Variants in TENT5D observed in about 807,000 individuals in gnomAD.
TENT5D encodes the protein terminal nucleotidyltransferase 5D, also known as cancer/testis antigen 112.
For missense variants in TENT5D, 191 were observed against 287.0 expected (o/e 0.67, Z 2.42); for synonymous variants, 103 against 100.6 (o/e 1.02, Z -0.15).
chrX:80,402,518 A>G (rs1931407139), intron 3 of TENT5D, among the ~76,000 whole-genome samples: 1 of 112,012 alleles, frequency 8.9e-6, no homozygotes, highest in Non-Finnish European at 1.9e-5. Context: ...TTTTGATATA[A>G]GTATTTATCG....
chrX:80,348,366 T>C (rs1930109444), intron 3 of TENT5D, among the ~76,000 whole-genome samples: 1 of 111,623 alleles, frequency 9.0e-6, no homozygotes, highest in Non-Finnish European at 1.9e-5. Context: ...ATAGTTCTCC[T>C]TGAAGAGGTC....
Position 80,336,260 on chromosome X carries a change from T to C in TENT5D, c.-207+544T>C, listed in dbSNP as rs945692940. On this transcript the variant is annotated intron_variant, in intron 2 of 4. Coordinates refer to the TENT5D transcript ENST00000538312. ...GGATAAGTTTCTTTTTATCTTTGTT[T>C]CTTTTTGAAAGAAAGATGGATCTAA... 5.4e-5 allele frequency among the ~76,000 whole-genome samples: 6 copies of C among 111,338 alleles called. No homozygotes were observed. In the Admixed American group the frequency reaches 5.8e-4, roughly 11 times the overall value.
chrX:80,392,816 A>G (rs1008135107), intron 3 of TENT5D, among the ~76,000 whole-genome samples: 1 of 110,689 alleles, frequency 9.0e-6, no homozygotes, highest in East Asian at 2.8e-4. Context: ...GCGCCCGGCC[A>G]TTCTCATTTT....
intron 3 of TENT5D, among the ~76,000 whole-genome samples, chrX:80,377,357 G>T (rs1020366249): frequency 1.8e-5 from 2 of 110,942 alleles, no homozygotes; most frequent in Non-Finnish European, 3.8e-5. Flanking sequence ...TTTACGTTAG[G>T]TATTTCTCCT....
At chrX:80,372,525 A>C (rs1930642049) in intron 3 of TENT5D, among the ~76,000 whole-genome samples, 1 of 111,086 alleles carries the variant, frequency 9.0e-6, no homozygotes, top group Non-Finnish European at 1.9e-5. Context: ...ATTTCTAGAG[A>C]TCTCGTCTCG....
intron 3 of TENT5D, among the ~76,000 whole-genome samples, chrX:80,379,343 G>T (rs1322335735): frequency 9.1e-6 from 1 of 109,529 alleles, no homozygotes; most frequent in Non-Finnish European, 1.9e-5. Flanking sequence ...TGCTGAATTC[G>T]GTTTGCCAGT....
At chrX:80,359,032 T>C (rs1930348153) in intron 3 of TENT5D, among the ~76,000 whole-genome samples, 1 of 111,970 alleles carries the variant, frequency 8.9e-6, no homozygotes, top group African/African-American at 3.2e-5. Context: ...ACATTTATGC[T>C]GCCAACAAAC....
At chrX:80,371,733 T>C (rs1476545258) in intron 3 of TENT5D, among the ~76,000 whole-genome samples, 1 of 111,728 alleles carries the variant, frequency 9.0e-6, no homozygotes, top group Non-Finnish European at 1.9e-5. Context: ...TTGAAAAGAG[T>C]TGGGGCCTTG....
chrX:80,378,795 G>GT (rs1185086984), intron 3 of TENT5D, among the ~76,000 whole-genome samples: 18 of 110,299 alleles, frequency 1.6e-4, no homozygotes, highest in Admixed American at 7.8e-4. Flanking sequence ...CTTTAAAGTA[G>GT]TTTTTTCCTA....
chrX:80,391,100 CA>C (rs754846429), intron 3 of TENT5D, among the ~76,000 whole-genome samples: 56 of 111,569 alleles, frequency 5.0e-4, no homozygotes, highest in African/African-American at 1.7e-3. Context: ...ATTTATTCAT[CA>C]AAAATTTTGA....
chrX:80,398,396 A>C (rs1462697585), intron 3 of TENT5D, among the ~76,000 whole-genome samples: 1 of 111,736 alleles, frequency 8.9e-6, no homozygotes, highest in Non-Finnish European at 1.9e-5. Flanking sequence ...GCTGTGCAGA[A>C]GTTTTTGGTT....
intron 3 of TENT5D, among the ~76,000 whole-genome samples, chrX:80,404,385 A>C (rs1303278790): frequency 4.5e-5 from 5 of 111,875 alleles, no homozygotes; most frequent in African/African-American, 1.6e-4. Context: ...ATTGACCATA[A>C]GATATAATTT....
chrX:80,406,362 G>A (rs1165576409), intron 3 of TENT5D, among the ~76,000 whole-genome samples: 2 of 106,910 alleles, frequency 1.9e-5, no homozygotes, highest in Admixed American at 2.0e-4. Context: ...AAAAAATTTA[G>A]AAGAATGTAT....
intron 3 of TENT5D, among the ~76,000 whole-genome samples, chrX:80,385,988 G>A (rs1414502026): frequency 1.8e-5 from 2 of 112,082 alleles, no homozygotes; most frequent in Admixed American, 1.9e-4. Context: ...CTGTAAACTA[G>A]TTCAACCATT....
chrX:80,427,874 C>G (rs1356932334), intron 1 of TENT5D, among the ~76,000 whole-genome samples: 2 of 111,581 alleles, frequency 1.8e-5, no homozygotes, highest in Admixed American at 1.9e-4. Context: ...AGAAGTTATC[C>G]TAGGGCCTTT....
chrX:80,381,357 G>C (rs1481095938), intron 3 of TENT5D, among the ~76,000 whole-genome samples: 1 of 111,828 alleles, frequency 8.9e-6, no homozygotes, highest in Non-Finnish European at 1.9e-5. Context: ...TCCCTTTGTG[G>C]GGAACCTGAC....
intron 3 of TENT5D, among the ~76,000 whole-genome samples, chrX:80,396,078 T>G (rs2147541184): frequency 9.1e-6 from 1 of 109,885 alleles, no homozygotes; most frequent in South Asian, 4.0e-4. Context: ...ATACCACACT[T>G]TCTTTATTCA....
chrX:80,431,920 G>A (rs1279853117), intron 1 of TENT5D, among the ~76,000 whole-genome samples: 1 of 111,505 alleles, frequency 9.0e-6, no homozygotes, highest in Non-Finnish European at 1.9e-5. Flanking sequence ...TGCTTGGGGA[G>A]AAATAACTCC....
intron 3 of TENT5D, among the ~76,000 whole-genome samples, chrX:80,346,139 C>CT (rs1930054599): frequency 8.9e-6 from 1 of 112,023 alleles, no homozygotes; most frequent in Non-Finnish European, 1.9e-5. Context: ...TGTTATGTGA[C>CT]TGGCTTCTTT....
Sources: allele counts gnomAD v4.1 joint callset (sites outside exome capture counted in the v4.1 genomes callset), GRCh38; gene constraint gnomAD v4.1.1; transcripts MANE v1.5; gene names NCBI Gene and HGNC (gene_info 2026-07-23, HGNC 2026-07-21).